STAT1: variants seen among roughly 807,000 people sequenced by gnomAD.
STAT1 encodes signal transducer and activator of transcription 1-alpha/beta.
STAT1 carries 24 observed loss-of-function variants against 111.7 expected under a neutral mutation model. The observed-to-expected ratio is 0.21, with a 90% CI of 0.16 to 0.30. The LOEUF (loss-of-function observed/expected upper bound fraction) is 0.30, where lower values mean the gene tolerates loss of function less well. Ranked by LOEUF, STAT1 falls within the 10% of genes least tolerant of loss-of-function variation. The pLI is 1.00. For missense variants in STAT1, 351 were observed against 911.9 expected (o/e 0.38, Z 7.92); for synonymous variants, 332 against 326.5 (o/e 1.02, Z -0.18).
rs1229965495 is a variant in STAT1 at position 190,973,274 on chromosome 2, G to C, written c.2238+1556C>G. 6.6e-6 allele frequency among the ~76,000 whole-genome samples: 1 copy of C among 152,164 alleles called. No individual in the cohort carries two copies. Among genetic ancestry groups the C allele is most frequent in the Non-Finnish European group, 1.5e-5 (1 of 68,030 alleles). On this transcript the variant is annotated intron_variant, in intron 24 of 24. Coordinates refer to ENST00000361099, the MANE Select transcript of STAT1 (RefSeq NM_007315.4). This position sits in a 1 kb window ranked among gnomAD's most constrained non-coding sequence, Gnocchi z 4.4. Reference sequence around the variant, plus strand: ...ATACCGGACAAAAGCATGCACTAGAGACTCACTAGGTAGATTCAAATATTC... The same window carrying C: ...ATACCGGACAAAAGCATGCACTAGACACTCACTAGGTAGATTCAAATATTC...
In STAT1 at chr2:190,975,058, G is replaced by A. The variant is rs1691802176; in HGVS notation, c.2136-126C>T. ...CGTTATATTTTTATTTTGGGTAAGT[G>A]CATACACTTGTAAAATACATTTGCA... On this transcript the variant is annotated intron_variant, in intron 23 of 24. Transcript: ENST00000361099. The surrounding 1 kb of genome is among the most constrained non-coding windows in gnomAD (Gnocchi z 5.9). The A allele has an allele frequency of 2.5e-6, 2 of 809,424 alleles. No individual in the cohort carries two copies. The highest frequency in any genetic ancestry group is 4.2e-6 in the Non-Finnish European group (2 of 473,852). The allele number at this position is 809,424 out of a possible 1,614,324, so 50.1% of individuals were successfully genotyped here. A position where few individuals can be genotyped will look rare whatever the true frequency, so the allele number is the denominator to read the frequency against.
chr2:190,982,698 T>C lies in STAT1; in HGVS notation c.1447-180A>G, dbSNP rs1003977633. Among the ~76,000 whole-genome samples, 2 of 152,210 alleles carry C rather than the reference T, an allele frequency of 1.3e-5. No homozygotes were observed. Among genetic ancestry groups the C allele is most frequent in the African/African-American group, 4.8e-5 (2 of 41,458 alleles). On this transcript the variant is annotated intron_variant, in intron 17 of 24. Coordinates refer to ENST00000361099, the MANE Select transcript of STAT1 (RefSeq NM_007315.4). The surrounding 1 kb of genome is among the most constrained non-coding windows in gnomAD (Gnocchi z 7.3). Reference sequence around the variant, plus strand: ...TATTTACAGATGCACATTTGTGAACTTGTTTACTCACTAAAATTTACTTGT... The same window carrying C: ...TATTTACAGATGCACATTTGTGAACCTGTTTACTCACTAAAATTTACTTGT...
At chr2:190,994,518 A>G (rs1693664269) in intron 10 of STAT1, among the ~76,000 whole-genome samples, 1 of 152,152 alleles carries the variant, frequency 6.6e-6, no homozygotes, top group African/African-American at 2.4e-5. Context: ...GCGGAGACTC[A>G]GCCAAAGGGG....
chr2:190,998,921 T>C lies in STAT1; in HGVS notation c.542-613A>G, dbSNP rs1694055060. On this transcript the variant is annotated intron_variant, in intron 7 of 24. Transcript: ENST00000361099. The surrounding 1 kb of genome is among the most constrained non-coding windows in gnomAD (Gnocchi z 4.1). ...CAAAGAGAAGTAGATGAGTAGGAAG[T>C]GGTAGTTGAAGTTGCTGTCTCTTAT... Among the ~76,000 whole-genome samples the C allele has an allele frequency of 1.3e-5, 2 of 152,056 alleles. No homozygotes were observed. The highest frequency in any genetic ancestry group is 2.9e-5 in the Non-Finnish European group (2 of 68,012).
In STAT1 at chr2:191,007,245, T is replaced by G. The variant is rs528119111; in HGVS notation, c.372+318A>C. 6.6e-6 allele frequency among the ~76,000 whole-genome samples: 1 copy of G among 152,302 alleles called. No homozygotes were observed. The highest frequency in any genetic ancestry group is 2.4e-5 in the African/African-American group (1 of 41,550). Reference sequence around the variant, plus strand: ...TTCCTGTGCCAGCAACTCAGAGGCCTTTCCTGACCCTGATCTAAAGGAACA... The same window carrying G: ...TTCCTGTGCCAGCAACTCAGAGGCCGTTCCTGACCCTGATCTAAAGGAACA... On this transcript the variant is annotated intron_variant, in intron 5 of 24. Coordinates refer to ENST00000361099, the MANE Select transcript of STAT1 (RefSeq NM_007315.4). The surrounding 1 kb of genome is among the most constrained non-coding windows in gnomAD (Gnocchi z 4.2).
At chr2:191,005,852 C>T (rs962953949) in intron 5 of STAT1, among the ~76,000 whole-genome samples, 1 of 152,208 alleles carries the variant, frequency 6.6e-6, no homozygotes, top group Non-Finnish European at 1.5e-5. Flanking sequence ...CCCCAGACAC[C>T]CAGAAACTTC....
chr2:190,987,602 G>A lies in STAT1; in HGVS notation c.1098-534C>T, dbSNP rs542286868. 4.6e-5 allele frequency among the ~76,000 whole-genome samples: 7 copies of A among 152,294 alleles called. No homozygotes were observed. The South Asian group carries it at 1.5e-3, about 32-fold the overall frequency. On this transcript the variant is annotated intron_variant, in intron 12 of 24. Transcript: ENST00000361099. The surrounding 1 kb of genome is among the most constrained non-coding windows in gnomAD (Gnocchi z 4.0). Reference sequence around the variant, plus strand: ...TTTAATGCTCTCATGAAAGTACCAGGAAAGTCAGTTATCTGGGGAAAGTGG... The same window carrying A: ...TTTAATGCTCTCATGAAAGTACCAGAAAAGTCAGTTATCTGGGGAAAGTGG...
Position 190,993,079 on chromosome 2 carries a change from C to T in STAT1, c.945-1759G>A, listed in dbSNP as rs45476694. ...TGCTGGGATTACAGGCATGAGCCAC[C>T]GTGCCGGGCCTTGTTGCATTCCTAG... On this transcript the variant is annotated intron_variant, in intron 10 of 24. Transcript: ENST00000361099. This position sits in a 1 kb window ranked among gnomAD's most constrained non-coding sequence, Gnocchi z 4.1. 1.6e-3 allele frequency: 584 copies of T among 358,758 alleles called. 5 individuals carry two copies. The highest frequency in any genetic ancestry group is 0.011 in the African/African-American group (524 of 46,382). 22.2% of individuals were successfully genotyped at this position (358,758 alleles called of 1,614,324 possible).
chr2:190,984,433 T>C lies in STAT1; in HGVS notation c.1264-40A>G. On this transcript the variant is annotated intron_variant, in intron 15 of 24. Coordinates refer to ENST00000361099, the MANE Select transcript of STAT1 (RefSeq NM_007315.4). The surrounding 1 kb of genome is among the most constrained non-coding windows in gnomAD (Gnocchi z 5.2). ...GGAAAGAAGAAAAGAATATAATTAT[T>C]CACAGATCCTAAAACTTTCAAAAGC... 1.3e-6 allele frequency: 2 copies of C among 1,561,898 alleles called. No homozygotes were observed. The highest frequency in any genetic ancestry group is 1.8e-6 in the Non-Finnish European group (2 of 1,134,506).
At chr2:190,985,692 C>T in intron 14 of STAT1, 32 bp from the exon 15 acceptor site, 1 of 1,608,378 alleles carries the variant, frequency 6.2e-7, no homozygotes, top group South Asian at 1.1e-5. Context: ...TAGTAAACAC[C>T]ATGGTAATGG....
In STAT1 at chr2:190,996,002, G is replaced by C. The variant is rs1393955750; in HGVS notation, c.786-783C>G. Among the ~76,000 whole-genome samples, 1 of 151,878 alleles carries C rather than the reference G, an allele frequency of 6.6e-6. No homozygotes were observed. ...TCTGTCAAGAGAGTGGCATCAGCAA[G>C]CAGTGTCTCGGCAGGACCAGTCAGA... is the stretch of plus-strand genomic sequence containing the variant. On this transcript the variant is annotated intron_variant, in intron 9 of 24. Coordinates refer to ENST00000361099, the MANE Select transcript of STAT1 (RefSeq NM_007315.4). The surrounding 1 kb of genome is among the most constrained non-coding windows in gnomAD (Gnocchi z 4.5).
chr2:191,001,244 C>CA (rs1694247362), intron 5 of STAT1, 81 bp from the exon 6 acceptor site: 1 of 1,069,538 alleles, frequency 9.3e-7, no homozygotes, highest in Non-Finnish European at 1.5e-6. Context: ...GTCAAGTCCC[C>CA]ACTTGCCTTC....
rs1442847761 is a variant in STAT1 at position 190,981,636 on chromosome 2, T to C, written c.1582+747A>G. On this transcript the variant is annotated intron_variant, in intron 18 of 24. Coordinates refer to ENST00000361099, the MANE Select transcript of STAT1 (RefSeq NM_007315.4). This position sits in a 1 kb window ranked among gnomAD's most constrained non-coding sequence, Gnocchi z 4.1. ...GCATATCCAAGAGAAGAAGGCACTG[T>C]TGAAAGTCACTGAGTTAGGAAGAGC... Among the ~76,000 whole-genome samples, 1 of 152,222 alleles carries C rather than the reference T, an allele frequency of 6.6e-6. No individual in the cohort carries two copies. Among genetic ancestry groups the C allele is most frequent in the Non-Finnish European group, 1.5e-5 (1 of 68,036 alleles).
chr2:190,988,524 G>GCA (rs1317073320), intron 12 of STAT1, among the ~76,000 whole-genome samples: 1 of 152,144 alleles, frequency 6.6e-6, no homozygotes, highest in Non-Finnish European at 1.5e-5. Flanking sequence ...GATTACCGGT[G>GCA]CACACCACCA....
Position 190,989,990 on chromosome 2 carries a change from A to T in STAT1, c.1038-316T>A, listed in dbSNP as rs755468379. 6.6e-6 allele frequency among the ~76,000 whole-genome samples: 1 copy of T among 152,240 alleles called. No individual in the cohort carries two copies. Among genetic ancestry groups the T allele is most frequent in the Non-Finnish European group, 1.5e-5 (1 of 68,038 alleles). On this transcript the variant is annotated intron_variant, in intron 11 of 24. Coordinates refer to ENST00000361099, the MANE Select transcript of STAT1 (RefSeq NM_007315.4). The surrounding 1 kb of genome is among the most constrained non-coding windows in gnomAD (Gnocchi z 5.0). ...TATAACCTTGCCAATATTCAGTTTCATCACAATTTCGACCTTTGGCCAATT... is the reference window on the plus strand; with the variant it reads ...TATAACCTTGCCAATATTCAGTTTCTTCACAATTTCGACCTTTGGCCAATT...
chr2:190,981,418 G>C lies in STAT1; in HGVS notation c.1583-749C>G, dbSNP rs562236694. 9.8e-5 allele frequency among the ~76,000 whole-genome samples: 15 copies of C among 152,330 alleles called. No individual in the cohort carries two copies. In the South Asian group the frequency reaches 3.1e-3, roughly 32 times the overall value. On this transcript the variant is annotated intron_variant, in intron 18 of 24. Coordinates refer to ENST00000361099, the MANE Select transcript of STAT1 (RefSeq NM_007315.4). The surrounding 1 kb of genome is among the most constrained non-coding windows in gnomAD (Gnocchi z 4.1). Reference sequence around the variant, plus strand: ...AGAGAAACGAGAGGAAGAAGCCCGGGGTTATTAGCTACACAAATTAAAGCA... The same window carrying C: ...AGAGAAACGAGAGGAAGAAGCCCGGCGTTATTAGCTACACAAATTAAAGCA...
At chr2:191,010,072 T>G in intron 2 of STAT1, 68 bp from the exon 3 acceptor site, 1 of 1,572,770 alleles carries the variant, frequency 6.4e-7, no homozygotes. Flanking sequence ...AAAGCCTTCC[T>G]AGCATCAGGT....
In STAT1 at chr2:190,974,862, G is replaced by T. The variant is rs1691780760; in HGVS notation, c.2206C>A (p.Arg736=). The T allele has an allele frequency of 1.9e-6, 3 of 1,614,048 alleles. No homozygotes were observed. The highest frequency in any genetic ancestry group is 1.7e-5 in the Admixed American group (1 of 60,006). The change falls in exon 24 of 25, where the codon CGG becomes AGG. Residue 736 remains arginine, a synonymous_variant. Transcript: ENST00000361099. The surrounding 1 kb of genome is among the most constrained non-coding windows in gnomAD (Gnocchi z 4.8). ...MSPEEFDEVS[R]IVGSVEFDSM... ...TCGAATTCTACAGAGCCCACTATCC[G>T]AGACACCTCGTCAAACTCCTCAGGA...
Position 190,983,787 on chromosome 2 carries a change from C to A in STAT1, c.1348-47G>T. The A allele has an allele frequency of 6.6e-7, 1 of 1,508,822 alleles. No individual in the cohort carries two copies. The highest frequency in any genetic ancestry group is 1.1e-5 in the South Asian group (1 of 88,982). 93.5% of individuals were successfully genotyped at this position (1,508,822 alleles called of 1,614,324 possible). A position where few individuals can be genotyped will look rare whatever the true frequency, so the allele number is the denominator to read the frequency against. Reference sequence around the variant, plus strand: ...GAAATCATCTGAATCACAGAAATGTCACCTTCAGATAACTGCTTAGCCTCA... The same window carrying A: ...GAAATCATCTGAATCACAGAAATGTAACCTTCAGATAACTGCTTAGCCTCA... On this transcript the variant is annotated intron_variant, in intron 16 of 24. Coordinates refer to ENST00000361099, the MANE Select transcript of STAT1 (RefSeq NM_007315.4). This position sits in a 1 kb window ranked among gnomAD's most constrained non-coding sequence, Gnocchi z 5.7.
Sources: gnomAD v4.1 joint callset for allele counts (sites outside exome capture counted in the v4.1 genomes callset) on GRCh38, gnomAD v4.1.1 for gene constraint, Gnocchi (gnomAD v3.1) non-coding constraint, MANE v1.5 for transcripts, NCBI Gene and HGNC (gene_info 2026-07-23, HGNC 2026-07-21) for gene names.